Variants in POLG2 observed in about 807,000 individuals in gnomAD.
POLG2 encodes the protein DNA polymerase gamma 2, accessory subunit, also known as DNA polymerase subunit gamma-2.
A neutral mutation model predicts 56.5 loss-of-function variants in POLG2; 50 were observed. That is an observed-to-expected ratio of 0.88 (90% CI 0.71 to 1.12). The LOEUF is 1.12. Among genes scored for constraint, POLG2 ranks in the 50% most tolerant of loss-of-function variants. The pLI, the probability that POLG2 is intolerant of heterozygous loss-of-function variation, is 0.00. For synonymous variants in POLG2, 226 were observed against 222.6 expected (o/e 1.02, Z -0.14); for missense variants, 584 against 583.3 (o/e 1.00, Z -0.01).
intron 4 of POLG2, among the ~76,000 whole-genome samples, chr17:64,487,774 G>A (rs565775450): frequency 1.4e-4 from 22 of 152,220 alleles, no homozygotes; most frequent in Non-Finnish European, 1.8e-4. Context: ...GGCCAGGGCA[G>A]GAGGATCACT....
chr17:64,493,543 G>A (rs190585488), intron 1 of POLG2, among the ~76,000 whole-genome samples: 6 of 152,024 alleles, frequency 3.9e-5, no homozygotes, highest in East Asian at 1.9e-4. Context: ...GGAGTGCAGT[G>A]GCAGGGTCTC....
At chr17:64,484,295 G>C (rs192127870) in intron 5 of POLG2, 9 of 152,384 alleles carry the variant, frequency 5.9e-5, no homozygotes, top group African/African-American at 2.2e-4. Flanking sequence ...GAAAGAAGGT[G>C]GGGGGACGAG....
At chr17:64,478,945 T>A (rs989012196) in intron 7 of POLG2, among the ~76,000 whole-genome samples, 5 of 152,026 alleles carry the variant, frequency 3.3e-5, no homozygotes, top group Non-Finnish European at 7.4e-5. Context: ...TATAGCAAAG[T>A]GAATAAAACA....
intron 1 of POLG2, among the ~76,000 whole-genome samples, chr17:64,495,566 G>A (rs2038137305): frequency 6.6e-6 from 1 of 152,140 alleles, no homozygotes; most frequent in Non-Finnish European, 1.5e-5. Context: ...GACAGAGTGA[G>A]ACCCATATTC....
At position 64,497,000 on chromosome 17, in the gene POLG2, A is replaced by T. The variant is rs1555669700; in HGVS notation, c.-32T>A. On this transcript the variant is annotated 5_prime_UTR_variant, in exon 1 of 8. It removes an upstream start codon present in the reference 5' UTR. Coordinates refer to ENST00000539111, the MANE Select transcript of POLG2 (RefSeq NM_007215.4). ...CCGAAGTTAAAGAGCACACTCTCCC[A>T]TCACTCAACGGATCCCAACAAGCCA... 6.3e-7 allele frequency: 1 copy of T among 1,578,434 alleles called. No homozygotes were observed. The highest frequency in any genetic ancestry group is 8.6e-7 in the Non-Finnish European group (1 of 1,159,822).
At chr17:64,482,875 A>G (rs2037885213) in intron 6 of POLG2, 44 bp downstream of exon 6, 1 of 1,123,568 alleles carries the variant, frequency 8.9e-7, no homozygotes, top group Non-Finnish European at 1.4e-6. Flanking sequence ...TTTGGATAAT[A>G]CTCAATCTGT....
chr17:64,479,060 T>C (rs1162084627), intron 7 of POLG2, among the ~76,000 whole-genome samples: 9 of 152,030 alleles, frequency 5.9e-5, no homozygotes, highest in Non-Finnish European at 1.5e-5. Flanking sequence ...GCTCAAAGGA[T>C]AAGAATTGAG....
At chr17:64,488,079 A>C (rs1051284123) in intron 4 of POLG2, among the ~76,000 whole-genome samples, 3 of 151,522 alleles carry the variant, frequency 2.0e-5, no homozygotes, top group Non-Finnish European at 4.4e-5. Flanking sequence ...AAATGGCCTA[A>C]GAGGCTGGGT....
At chr17:64,488,173 G>A (rs2144170867) in intron 4 of POLG2, among the ~76,000 whole-genome samples, 1 of 152,218 alleles carries the variant, frequency 6.6e-6, no homozygotes, top group East Asian at 1.9e-4. Flanking sequence ...AGACCAGCCT[G>A]AGCAACACAG....
At chr17:64,488,929 A>T (rs1422695536) in intron 4 of POLG2, among the ~76,000 whole-genome samples, 5 of 152,050 alleles carry the variant, frequency 3.3e-5, no homozygotes, top group Non-Finnish European at 5.9e-5. Context: ...TGGGCAACAG[A>T]GTGAGATGCT....
rs782103896 is a variant in POLG2, at chr17:64,496,951, G to A, written c.18C>T (p.Ala6=). 5 of 1,607,052 alleles carry A rather than the reference G, an allele frequency of 3.1e-6. No individual in the cohort carries two copies. The highest frequency in any genetic ancestry group is 3.3e-5 in the Admixed American group (2 of 60,008). Residue 6 remains alanine, a synonymous_variant, in exon 1 of 8, where the codon GCC becomes GCT. Coordinates refer to ENST00000539111, the MANE Select transcript of POLG2 (RefSeq NM_007215.4). MRSRV[A]VRACHKVCRC... is the part of the protein sequence containing the mutation. ...TGCAGACCTTATGGCAGGCCCTGAC[G>A]GCTACACGAGAGCGCATCTCTCTCC... is the stretch of plus-strand genomic sequence containing the variant.
chr17:64,492,585 C>A, intron 3 of POLG2, 82 bp downstream of exon 3: 1 of 770,260 alleles, frequency 1.3e-6, no homozygotes, highest in Non-Finnish European at 2.2e-6. Context: ...AATATAATTT[C>A]TTGTATGTCA....
In POLG2 at chr17:64,496,769, T is replaced by A; in HGVS notation, c.200A>T (p.Glu67Val). 6.2e-7 allele frequency: 1 copy of A among 1,613,828 alleles called. No homozygotes were observed. The highest frequency in any genetic ancestry group is 8.5e-7 in the Non-Finnish European group (1 of 1,179,962). The change falls in exon 1 of 8, where the codon GAG becomes GTG. Residue 67 changes from glutamate to valine, a missense_variant. By Grantham distance (121) the Glu-to-Val change is moderately radical. Transcript: ENST00000539111. Reference protein sequence around the residue: ...PEAPGSGEGSEALLEICQRRH... With the variant: ...PEAPGSGEGSVALLEICQRRH... ...TCTCTGACAGATCTCTAACAGCGCC[T>A]CGCTTCCCTCTCCAGACCCGGGGGC...
Position 64,496,631 on chromosome 17 carries a change from T to A in POLG2, c.338A>T (p.Glu113Val). The part of the protein sequence containing the change: ...GVELRKNLAA[E>V]WWTSVVVFRE... The stretch of plus-strand genomic sequence containing the variant: ...GAACACCACCACCGAGGTCCACCAT[T>A]CTGCGGCCAGGTTCTTCCGCAACTC... Residue 113 changes from glutamate to valine, a missense_variant, in exon 1 of 8, where the codon GAA (glutamate) becomes GTA (valine). Physicochemically the swap from Glu to Val is moderately radical, Grantham distance 121. Coordinates refer to ENST00000539111, the MANE Select transcript of POLG2 (RefSeq NM_007215.4). 2.5e-6 allele frequency: 4 copies of A among 1,613,594 alleles called. No individual in the cohort carries two copies. The highest frequency in any genetic ancestry group is 3.4e-6 in the Non-Finnish European group (4 of 1,179,908).
At chr17:64,480,755 T>C (rs1158762968) in intron 6 of POLG2, among the ~76,000 whole-genome samples, 1 of 151,962 alleles carries the variant, frequency 6.6e-6, no homozygotes, top group African/African-American at 2.4e-5. Flanking sequence ...AGCCCTCATC[T>C]GAGAGGTGAG....
In POLG2 at chr17:64,485,774, T is replaced by G; in HGVS notation, c.1064A>C (p.Gln355Pro). The G allele has an allele frequency of 6.2e-7, 1 of 1,613,050 alleles. No individual in the cohort carries two copies. Among genetic ancestry groups the G allele is most frequent in the African/African-American group, 1.3e-5 (1 of 75,028 alleles). ...GMLAYLYDSF[Q>P]LTENSFTRKK... ...TCTTGTAAAGGAGTTCTCTGTCAGC[T>G]GGAAAGAATCATAGAGGTAGGCCAG... Residue 355 changes from glutamine to proline, a missense_variant, in exon 5 of 8, where the codon CAG becomes CCG. Physicochemically the swap from Gln to Pro is moderately conservative, Grantham distance 76. Transcript: ENST00000539111.
intron 2 of POLG2, 43 bp from the exon 3 acceptor site, chr17:64,492,815 T>C: frequency 6.3e-7 from 1 of 1,599,874 alleles, no homozygotes; most frequent in Non-Finnish European, 8.6e-7. Flanking sequence ...TATCTGAAAA[T>C]TATATAATTT....
At position 64,493,026 on chromosome 17, in the gene POLG2, C is replaced by G; in HGVS notation, c.563-5G>C. On this transcript the variant is annotated splice_polypyrimidine_tract_variant and splice_region_variant and intron_variant, in intron 1 of 7. Transcript: ENST00000539111. Reference sequence around the variant, plus strand: ...TAACATAGTGTTCCAAGGCACCTGTCAAAAGATAAATCAATCATTGTATAC... The same window carrying G: ...TAACATAGTGTTCCAAGGCACCTGTGAAAAGATAAATCAATCATTGTATAC... 6.2e-7 allele frequency: 1 copy of G among 1,614,036 alleles called. No individual in the cohort carries two copies. Among genetic ancestry groups the G allele is most frequent in the Non-Finnish European group, 8.5e-7 (1 of 1,179,944 alleles).
At chr17:64,479,215 G>A (rs2037817821) in intron 7 of POLG2, among the ~76,000 whole-genome samples, 3 of 137,506 alleles carry the variant, frequency 2.2e-5, no homozygotes, top group East Asian at 2.1e-4. Flanking sequence ...AAGGAGTCTC[G>A]CTCTGTCACC....
Sources: allele counts gnomAD v4.1 joint callset (sites outside exome capture counted in the v4.1 genomes callset), GRCh38; gene constraint gnomAD v4.1.1; transcripts MANE v1.5; gene names NCBI Gene and HGNC (gene_info 2026-07-23, HGNC 2026-07-21).